Variants in CYTH3 observed in about 807,000 individuals in gnomAD.
CYTH3 encodes cytohesin-3.
A neutral mutation model predicts 55.1 loss-of-function variants in CYTH3; 23 were observed. The observed-to-expected ratio is 0.42, with a 90% CI of 0.30 to 0.59. The LOEUF is 0.59. Among genes scored for constraint, CYTH3 ranks in the 20% least tolerant of loss-of-function variants. The pLI, the probability that CYTH3 is intolerant of heterozygous loss-of-function variation, is 0.20. For missense variants in CYTH3, 413 were observed against 524.8 expected (o/e 0.79, Z 2.08); for synonymous variants, 249 against 194.9 (o/e 1.28, Z -2.31).
At chr7:6,242,769 C>G (rs1344843262) in intron 1 of CYTH3, among the ~76,000 whole-genome samples, 1 of 152,148 alleles carries the variant, frequency 6.6e-6, no homozygotes, top group African/African-American at 2.4e-5. Context: ...CTCTGAGTCA[C>G]AGGAATTCCC....
chr7:6,190,380 T>TC (rs2128544071), intron 2 of CYTH3, 69 bp downstream of exon 2: 1 of 1,096,190 alleles, frequency 9.1e-7, no homozygotes, highest in Non-Finnish European at 1.2e-6. Flanking sequence ...GTGAGGCTAC[T>TC]CTTTTACTAT....
At chr7:6,255,194 G>A (rs1780065997) in intron 1 of CYTH3, among the ~76,000 whole-genome samples, 1 of 152,156 alleles carries the variant, frequency 6.6e-6, no homozygotes, top group Admixed American at 6.5e-5. Context: ...AGAAATGACA[G>A]AGCTGCAGAT....
At chr7:6,203,847 T>G (rs1402391085) in intron 1 of CYTH3, among the ~76,000 whole-genome samples, 3 of 151,770 alleles carry the variant, frequency 2.0e-5, no homozygotes, top group African/African-American at 7.3e-5. Flanking sequence ...GCCTCCCGAG[T>G]AGCTGGGACT....
rs183291539 is a variant in CYTH3 at position 6,253,556 on chromosome 7, G to A, written c.34+18918C>T. Among the ~76,000 whole-genome samples the A allele has an allele frequency of 2.0e-3, 300 of 152,122 alleles. 1 individual carries two copies. The highest frequency in any genetic ancestry group is 6.5e-3 in the African/African-American group (268 of 41,538). ...AAAACAGCCGGGCACGGTGGCTCAC[G>A]CCTGTAATCCCAACACTTTGGGAGG... On this transcript the variant is annotated intron_variant, in intron 1 of 12. Coordinates refer to ENST00000350796, the MANE Select transcript of CYTH3 (RefSeq NM_004227.4).
At chr7:6,194,350 G>C (rs374240027) in intron 1 of CYTH3, among the ~76,000 whole-genome samples, 55 of 152,330 alleles carry the variant, frequency 3.6e-4, no homozygotes, top group African/African-American at 1.3e-3. Context: ...GTACTCAGGA[G>C]GCTGAGGTGG....
intron 1 of CYTH3, among the ~76,000 whole-genome samples, chr7:6,236,707 G>A (rs10224877): frequency 0.038 from 5,749 of 152,004 alleles, 368 homozygotes; most frequent in African/African-American, 0.13. Flanking sequence ...GATTACAGGC[G>A]CATGCCACCA....
At position 6,170,845 on chromosome 7, in the gene CYTH3, A is replaced by G. The variant is rs769128790; in HGVS notation, c.696T>C (p.Pro232=). ...NRGINEGGDL[P]EELLRNLYES... ...GGGAGCTCACCCTCAGCAGCTCCTC[A>G]GGGAGGTCCCCGCCCTCGTTGATGC... Residue 232 remains proline (P), a synonymous_variant, in exon 8 of 13, where the codon CCT becomes CCC. Coordinates refer to ENST00000350796, the MANE Select transcript of CYTH3 (RefSeq NM_004227.4). This position sits in a 1 kb window ranked among gnomAD's most constrained non-coding sequence, Gnocchi z 7.8. 13 of 1,612,274 alleles carry G rather than the reference A, an allele frequency of 8.1e-6. No individual in the cohort carries two copies. In the South Asian group the frequency reaches 1.3e-4, roughly 16 times the overall value.
intron 1 of CYTH3, among the ~76,000 whole-genome samples, chr7:6,196,139 G>C (rs1460477098): frequency 1.3e-5 from 2 of 152,138 alleles, no homozygotes; most frequent in East Asian, 3.9e-4. Flanking sequence ...CTTCTGAGAA[G>C]CCCATAAAGT....
intron 6 of CYTH3, chr7:6,172,988 T>C: frequency 9.1e-7 from 1 of 1,096,802 alleles, no homozygotes; most frequent in Non-Finnish European, 1.1e-6. Flanking sequence ...GATGACGAGG[T>C]GCGGCCTGAT....
chr7:6,180,513 C>T lies in CYTH3; in HGVS notation c.250-2572G>A, dbSNP rs182761553. On this transcript the variant is annotated intron_variant, in intron 4 of 12. Transcript: ENST00000350796. Reference sequence around the variant, plus strand: ...CCAGGAGGGTGGCAGCCGCCAGGAGCGAGGCTGGAAGGGATTCTCCCTCAG... The same window carrying T: ...CCAGGAGGGTGGCAGCCGCCAGGAGTGAGGCTGGAAGGGATTCTCCCTCAG... Among the ~76,000 whole-genome samples the T allele has an allele frequency of 5.3e-5, 8 of 152,276 alleles. No homozygotes were observed. The East Asian group carries it at 1.3e-3, about 26-fold the overall frequency.
chr7:6,166,290 G>A lies in CYTH3; in HGVS notation c.824-480C>T, dbSNP rs546197382. On this transcript the variant is annotated intron_variant, in intron 9 of 12. Coordinates refer to ENST00000350796, the MANE Select transcript of CYTH3 (RefSeq NM_004227.4). ...CAAGATCTGGAGCACACGTGCACAC[G>A]CACGTACCCCCATCTGTACCTGCCC... Among the ~76,000 whole-genome samples, 12 of 152,348 alleles carry A rather than the reference G, an allele frequency of 7.9e-5. No individual in the cohort carries two copies. The South Asian group carries it at 8.3e-4, about 11-fold the overall frequency.
At chr7:6,214,685 A>C (rs1784389324) in intron 1 of CYTH3, among the ~76,000 whole-genome samples, 1 of 152,224 alleles carries the variant, frequency 6.6e-6, no homozygotes, top group Admixed American at 6.5e-5. Flanking sequence ...TTTAATAAGC[A>C]AAAATAACTT....
chr7:6,262,222 A>G (rs1198963477), intron 1 of CYTH3, among the ~76,000 whole-genome samples: 1 of 152,228 alleles, frequency 6.6e-6, no homozygotes, highest in Admixed American at 6.5e-5. Context: ...GGCATGTTTA[A>G]TGCACAGGTA....
intron 1 of CYTH3, among the ~76,000 whole-genome samples, chr7:6,198,571 GA>G: frequency 6.6e-6 from 1 of 152,306 alleles, no homozygotes; most frequent in East Asian, 1.9e-4. Flanking sequence ...CTAAGGCTTG[GA>G]TTCACTTATT....
Position 6,162,728 on chromosome 7 carries a change from C to A in CYTH3, c.*2216G>T, listed in dbSNP as rs1429567366. On this transcript the variant is annotated 3_prime_UTR_variant, in exon 13 of 13. Transcript: ENST00000350796. Reference sequence around the variant, plus strand: ...TGCCCACCACCTGGCGAAGCTCATTCACAGATGACAGCAAAGGGGGAGCTT... The same window carrying A: ...TGCCCACCACCTGGCGAAGCTCATTAACAGATGACAGCAAAGGGGGAGCTT... The A allele has an allele frequency of 1.3e-5, 2 of 152,290 alleles. No homozygotes were observed. 9.4% of individuals were successfully genotyped at this position (152,290 alleles called of 1,614,324 possible). A position where few individuals can be genotyped will look rare whatever the true frequency, so the allele number is the denominator to read the frequency against.
Position 6,190,521 on chromosome 7 carries a change from GTCT to G in CYTH3, c.42_44del (p.Glu14del). ...GTTCTTCTCTCTCTTCTAATGAGAG[GTCT>G]TCAGGCACTGAAAGAAGAAAAAAAT... On this transcript the variant is annotated inframe_deletion, in exon 2 of 13. Transcript: ENST00000350796. 6.6e-7 allele frequency: 1 copy of G among 1,510,772 alleles called. No individual in the cohort carries two copies. The highest frequency in any genetic ancestry group is 8.8e-7 in the Non-Finnish European group (1 of 1,139,226). 93.6% of individuals were successfully genotyped at this position (1,510,772 alleles called of 1,614,324 possible). A position where few individuals can be genotyped will look rare whatever the true frequency, so the allele number is the denominator to read the frequency against.
At position 6,210,747 on chromosome 7, in the gene CYTH3, G is replaced by A. The variant is rs190635584; in HGVS notation, c.35-20216C>T. Among the ~76,000 whole-genome samples the A allele has an allele frequency of 4.1e-4, 63 of 152,290 alleles. 1 individual carries two copies. Among genetic ancestry groups the A allele is most frequent in the South Asian group, 8.3e-4 (4 of 4,826 alleles). On this transcript the variant is annotated intron_variant, in intron 1 of 12. Coordinates refer to ENST00000350796, the MANE Select transcript of CYTH3 (RefSeq NM_004227.4). Reference sequence around the variant, plus strand: ...GACACAACTTCACACATCATCTTGAGTAGTGGTGCCAGGCTTAGGAAAGCA... The same window carrying A: ...GACACAACTTCACACATCATCTTGAATAGTGGTGCCAGGCTTAGGAAAGCA...
intron 2 of CYTH3, 132 bp downstream of exon 2, chr7:6,190,317 C>CT (rs369267127): frequency 0.012 from 7,476 of 623,934 alleles, no homozygotes; most frequent in Middle Eastern, 0.017. Context: ...CACTAAACAT[C>CT]TTTTTTTTTT....
At chr7:6,190,605 A>G in intron 1 of CYTH3, 74 bp from the exon 2 acceptor site, 1 of 1,171,414 alleles carries the variant, frequency 8.5e-7, no homozygotes, top group Non-Finnish European at 1.2e-6. Flanking sequence ...AGGTGGGTAC[A>G]TGCTGCCACC....
Sources: gnomAD v4.1 joint callset for allele counts (sites outside exome capture counted in the v4.1 genomes callset) on GRCh38, gnomAD v4.1.1 for gene constraint, Gnocchi (gnomAD v3.1) non-coding constraint, MANE v1.5 for transcripts, NCBI Gene and HGNC (gene_info 2026-07-23, HGNC 2026-07-21) for gene names.